Variants in MCCC1 observed in about 807,000 individuals in gnomAD.
MCCC1 encodes methylcrotonoyl-CoA carboxylase subunit alpha, mitochondrial.
A neutral mutation model predicts 83.8 loss-of-function variants in MCCC1; 64 were observed. That is an observed-to-expected ratio of 0.76 (90% CI 0.62 to 0.94). The LOEUF is 0.94. Ranked by LOEUF, MCCC1 falls within the 40% of genes least tolerant of loss-of-function variation. MCCC1 has a pLI of 0.00. For synonymous variants in MCCC1, 322 were observed against 315.4 expected (o/e 1.02, Z -0.22); for missense variants, 807 against 904.7 (o/e 0.89, Z 1.39).
chr3:183,072,905 C>G (rs59091227), intron 4 of MCCC1, among the ~76,000 whole-genome samples: 4,127 of 152,282 alleles, frequency 0.027, 169 homozygotes, highest in East Asian at 0.11. Flanking sequence ...ATGAATTTCT[C>G]TAGCCAAAGT....
chr3:183,113,173 G>A (rs1465978636), intron 1 of MCCC1, among the ~76,000 whole-genome samples: 4 of 148,948 alleles, frequency 2.7e-5, no homozygotes, highest in East Asian at 2.0e-4. Flanking sequence ...GCAGTGAGCC[G>A]AGATGGCTCC....
intron 14 of MCCC1, among the ~76,000 whole-genome samples, chr3:183,030,669 G>C (rs531021509): frequency 3.3e-5 from 5 of 152,182 alleles, no homozygotes; most frequent in African/African-American, 1.2e-4. Context: ...GGAACTCCAG[G>C]GCCCGCACTC....
At chr3:183,078,035 T>A (rs2108538252) in intron 4 of MCCC1, among the ~76,000 whole-genome samples, 1 of 152,300 alleles carries the variant, frequency 6.6e-6, no homozygotes. Flanking sequence ...ATATATATAT[T>A]TTGAGACAGA....
upstream of MCCC1, among the ~76,000 whole-genome samples, chr3:183,101,519 A>T (rs1719300635): frequency 6.6e-6 from 1 of 151,988 alleles, no homozygotes; most frequent in South Asian, 2.1e-4. Flanking sequence ...TGTGTGTCGA[A>T]ACTCTGTATC....
Position 183,099,484 on chromosome 3 carries a change from A to T in MCCC1, c.-44T>A. The T allele has an allele frequency of 1.9e-6, 3 of 1,568,434 alleles. No individual in the cohort carries two copies. The highest frequency in any genetic ancestry group is 2.3e-5 in the South Asian group (2 of 86,048). ...CTCCGTGACTCCCCAGTACAGAGGC[A>T]GCTGCGTCCCACACGCCAAACCCGT... On this transcript the variant is annotated 5_prime_UTR_variant, in exon 1 of 19. Transcript: ENST00000265594.
At chr3:183,017,489 GA>G (rs1270860372) in intron 17 of MCCC1, 152 bp from the exon 18 acceptor site, 7 of 716,520 alleles carry the variant, frequency 9.8e-6, no homozygotes, top group African/African-American at 1.8e-5. Context: ...TAAATAAAAA[GA>G]AAAAAAACAA....
At chr3:183,077,935 T>A (rs900242440) in intron 4 of MCCC1, among the ~76,000 whole-genome samples, 1 of 152,186 alleles carries the variant, frequency 6.6e-6, no homozygotes, top group Non-Finnish European at 1.5e-5. Flanking sequence ...TGACTACATA[T>A]GTGAGTTTAT....
chr3:183,094,544 A>G lies in MCCC1; in HGVS notation c.136+15T>C. 1 of 1,613,960 alleles carries G rather than the reference A, an allele frequency of 6.2e-7. No individual in the cohort carries two copies. The highest frequency in any genetic ancestry group is 1.7e-5 in the Admixed American group (1 of 60,028). On this transcript the variant is annotated intron_variant, in intron 2 of 18. Transcript: ENST00000265594. The stretch of plus-strand genomic sequence containing the variant: ...CTGAAGCAAAATCAAATAGAACAAC[A>G]AAGTCTGTCAGTACCTGTGGCTGTT...
At position 183,024,800 on chromosome 3, in the gene MCCC1, A is replaced by G. The variant is rs562203671; in HGVS notation, c.1731+955T>C. Among the ~76,000 whole-genome samples the G allele has an allele frequency of 1.4e-4, 22 of 152,270 alleles. No individual in the cohort carries two copies. In the South Asian group the frequency reaches 4.6e-3, roughly 32 times the overall value. On this transcript the variant is annotated intron_variant, in intron 15 of 18. Transcript: ENST00000265594. ...CAATTCCACTGCTGGATATATATCC[A>G]AAGGACAAAAAACAGGGTCTTAAAG...
chr3:183,092,104 C>T lies in MCCC1; in HGVS notation c.273+305G>A, dbSNP rs190049747. 4.0e-3 allele frequency among the ~76,000 whole-genome samples: 606 copies of T among 152,096 alleles called. 16 individuals carry two copies. The highest frequency in any genetic ancestry group is 7.6e-4 in the Non-Finnish European group (52 of 67,994). ...GCCTGGATCTTTCTCCTTGTATATA[C>T]GGAATCTGGACATGAGCTACTCAAA... On this transcript the variant is annotated intron_variant, in intron 3 of 18. Coordinates refer to ENST00000265594, the MANE Select transcript of MCCC1 (RefSeq NM_020166.5).
chr3:183,070,893 T>C, intron 7 of MCCC1, 106 bp downstream of exon 7: 2 of 1,309,754 alleles, frequency 1.5e-6, no homozygotes, highest in Non-Finnish European at 2.1e-6. Context: ...AAACTTGTAA[T>C]AATATACTTA....
chr3:183,098,767 T>G (rs1718925434), intron 1 of MCCC1: 2 of 154,538 alleles, frequency 1.3e-5, no homozygotes, highest in Non-Finnish European at 2.9e-5. Context: ...GGTACAAGAG[T>G]TTTTGACAAA....
At chr3:183,101,216 C>G (rs58430936), upstream of MCCC1, among the ~76,000 whole-genome samples, 3,741 of 152,354 alleles carry the variant, frequency 0.025, 128 homozygotes, top group African/African-American at 0.072. Flanking sequence ...CAAGCCTCCC[C>G]GATGAGCGCC....
At chr3:183,022,637 T>G in intron 15 of MCCC1, 83 bp from the exon 16 acceptor site, 1 of 1,223,222 alleles carries the variant, frequency 8.2e-7, no homozygotes, top group Non-Finnish European at 1.2e-6. Context: ...TCTTCACTAT[T>G]GGTAGTTTTA....
intron 8 of MCCC1, among the ~76,000 whole-genome samples, chr3:183,055,674 T>C (rs1248134277): frequency 1.3e-5 from 2 of 151,988 alleles, no homozygotes; most frequent in Non-Finnish European, 2.9e-5. Flanking sequence ...GGTTAAAGGA[T>C]CACTTGAAGC....
chr3:183,109,244 G>A (rs563745283), intron 1 of MCCC1, among the ~76,000 whole-genome samples: 3 of 152,126 alleles, frequency 2.0e-5, no homozygotes, highest in East Asian at 3.9e-4. Flanking sequence ...CGCCCACCTC[G>A]ACCTCCGAAA....
chr3:183,066,457 A>G (rs1716265857), intron 7 of MCCC1, among the ~76,000 whole-genome samples: 1 of 152,136 alleles, frequency 6.6e-6, no homozygotes, highest in Non-Finnish European at 1.5e-5. Flanking sequence ...GGTGCATGCC[A>G]CCATGCCTGG....
At chr3:183,034,111 T>G (rs373614966) in intron 13 of MCCC1, 34 bp from the exon 14 acceptor site, 11 of 1,396,672 alleles carry the variant, frequency 7.9e-6, no homozygotes, top group African/African-American at 1.4e-5. Context: ...AACAAACTTA[T>G]GAGTATCAAG....
intron 4 of MCCC1, among the ~76,000 whole-genome samples, chr3:183,073,625 A>G (rs73053912): frequency 1.6e-4 from 25 of 152,356 alleles, no homozygotes; most frequent in African/African-American, 5.5e-4. Flanking sequence ...AGTACTTGCC[A>G]TGCCCTGTGG....
Sources: allele counts gnomAD v4.1 joint callset (sites outside exome capture counted in the v4.1 genomes callset), GRCh38; gene constraint gnomAD v4.1.1; transcripts MANE v1.5; gene names NCBI Gene and HGNC (gene_info 2026-07-23, HGNC 2026-07-21).